The following SPINT1 variants were observed in gnomAD, a reference collection of about 807,000 sequenced individuals.
The protein encoded by SPINT1 is kunitz-type protease inhibitor 1.
In SPINT1, 38 loss-of-function variants were observed where a neutral mutation model predicts 53.7. The ratio of observed to expected loss-of-function variants is 0.71; its 90% CI spans 0.55 to 0.93. The LOEUF (loss-of-function observed/expected upper bound fraction) is 0.93. Ranked by LOEUF, SPINT1 falls within the 40% of genes least tolerant of loss-of-function variation. The pLI is 0.00. For synonymous variants in SPINT1, 283 were observed against 280.6 expected (o/e 1.01, Z -0.08); for missense variants, 645 against 692.9 (o/e 0.93, Z 0.78).
At chr15:40,853,406 G>A in intron 3 of SPINT1, 83 bp from the exon 4 acceptor site, 5 of 1,610,396 alleles carry the variant, frequency 3.1e-6, no homozygotes, top group Non-Finnish European at 1.7e-6. Context: ...CTCCCCAGGG[G>A]TGTGGGTGTG....
intron 2 of SPINT1, among the ~76,000 whole-genome samples, chr15:40,848,766 A>G (rs1051991901): frequency 6.6e-6 from 1 of 152,198 alleles, no homozygotes; most frequent in Non-Finnish European, 1.5e-5. Context: ...GCAAAACAAG[A>G]TGAAGAACTC....
rs3832988 is a variant in SPINT1 at position 40,857,770 on chromosome 15, G to GTC, written c.*802_*803dup. The GTC allele has an allele frequency of 0.08, 12,176 of 152,286 alleles. 1,001 individuals are homozygous for GTC. Among genetic ancestry groups the GTC allele is most frequent in the East Asian group, 0.2 (1,039 of 5,152 alleles). 9.4% of individuals were successfully genotyped at this position (152,286 alleles called of 1,614,324 possible). ...ACCCTGTTGAGCAGGTTTTCCCATCGTCTCTCTCGAAACTGGCCTGGCCCC... is the reference window on the plus strand; with the variant it reads ...ACCCTGTTGAGCAGGTTTTCCCATCGTCTCTCTCTCGAAACTGGCCTGGCCCC... On this transcript the variant is annotated 3_prime_UTR_variant, in exon 11 of 11. Transcript: ENST00000562057.
intron 2 of SPINT1, among the ~76,000 whole-genome samples, chr15:40,849,248 G>GAA (rs200108765): frequency 7.1e-6 from 1 of 140,992 alleles, no homozygotes; most frequent in Non-Finnish European, 1.5e-5. Flanking sequence ...TCCGTCTCAG[G>GAA]AAAAAAAAAA....
intron 2 of SPINT1, among the ~76,000 whole-genome samples, chr15:40,847,314 T>C (rs981090925): frequency 4.6e-5 from 7 of 152,308 alleles, no homozygotes; most frequent in Admixed American, 3.9e-4. Context: ...TGGAGGTGGG[T>C]AATGACAGGG....
chr15:40,851,061 C>T (rs1342478786), intron 2 of SPINT1, among the ~76,000 whole-genome samples: 1 of 152,208 alleles, frequency 6.6e-6, no homozygotes, highest in Non-Finnish European at 1.5e-5. Flanking sequence ...GCCTGGCCTC[C>T]AGGACGCTTT....
chr15:40,848,277 T>G (rs1891353423), intron 2 of SPINT1, among the ~76,000 whole-genome samples: 3 of 152,150 alleles, frequency 2.0e-5, no homozygotes, highest in Admixed American at 6.5e-5. Context: ...TTCTTAGCTC[T>G]TTACCTTCTC....
rs1891636664 is a variant in SPINT1 at position 40,856,215 on chromosome 15, G to C, written c.1289-61G>C. On this transcript the variant is annotated intron_variant, in intron 9 of 10. Coordinates refer to ENST00000562057, the MANE Select transcript of SPINT1 (RefSeq NM_003710.4). ...TGCCAGTGTGAGGTCTGGGGCACTGGGGAGCAGCTGAGTCTCTGAGCCCTC... is the reference window on the plus strand; with the variant it reads ...TGCCAGTGTGAGGTCTGGGGCACTGCGGAGCAGCTGAGTCTCTGAGCCCTC... 1.4e-5 allele frequency: 23 copies of C among 1,608,292 alleles called. No individual in the cohort carries two copies. In the South Asian group the frequency reaches 2.4e-4, roughly 17 times the overall value.
intron 2 of SPINT1, among the ~76,000 whole-genome samples, chr15:40,846,695 G>A (rs890384185): frequency 1.9e-4 from 29 of 152,284 alleles, no homozygotes; most frequent in African/African-American, 4.3e-4. Context: ...GGTGGTCTCC[G>A]TTCTGGAAAG....
Position 40,852,339 on chromosome 15 carries a change from C to T in SPINT1, c.476-785C>T, listed in dbSNP as rs544954620. 7.9e-5 allele frequency among the ~76,000 whole-genome samples: 12 copies of T among 152,322 alleles called. No homozygotes were observed. The East Asian group carries it at 2.1e-3, about 27-fold the overall frequency. On this transcript the variant is annotated intron_variant, in intron 2 of 10. Coordinates refer to ENST00000562057, the MANE Select transcript of SPINT1 (RefSeq NM_003710.4). ...TGATCGCATCTGGAGATCCTAATTACTTCTGCAAAGACCCTTTTCCCAAAT... is the reference window on the plus strand; with the variant it reads ...TGATCGCATCTGGAGATCCTAATTATTTCTGCAAAGACCCTTTTCCCAAAT...
In SPINT1 at chr15:40,853,872, G is replaced by A. The variant is rs771095345; in HGVS notation, c.904G>A (p.Gly302Ser). Residue 302 changes from glycine (G) to serine (S), a missense_variant, in exon 5 of 11, where the codon GGT (glycine) becomes AGT (serine). Gly to Ser is a moderately conservative substitution (Grantham distance 56). Transcript: ENST00000562057. ...REEECILACR[G>S]VQGPSMERRH... Reference sequence around the variant, plus strand: ...AGAAGAGTGCATTCTAGCCTGTCGGGGTGTGCAAGGTGGGCCTTTGAGAGG... The same window carrying A: ...AGAAGAGTGCATTCTAGCCTGTCGGAGTGTGCAAGGTGGGCCTTTGAGAGG... The A allele has an allele frequency of 1.2e-6, 2 of 1,614,066 alleles. No individual in the cohort carries two copies. Among genetic ancestry groups the A allele is most frequent in the Non-Finnish European group, 1.7e-6 (2 of 1,180,034 alleles).
At position 40,853,058 on chromosome 15, in the gene SPINT1, T is replaced by C. The variant is rs978314111; in HGVS notation, c.476-66T>C. ...GGCCCATACTTTCACCACCCCACTT[T>C]GCTCCTGAGAGAAGCCTGGTCCATC... On this transcript the variant is annotated intron_variant, in intron 2 of 10. Transcript: ENST00000562057. 1.9e-6 allele frequency: 3 copies of C among 1,563,074 alleles called. No homozygotes were observed. In the African/African-American group the frequency reaches 4.1e-5, roughly 21 times the overall value.
intron 6 of SPINT1, 98 bp from the exon 7 acceptor site, chr15:40,854,299 T>C (rs1891561274): frequency 1.3e-6 from 2 of 1,491,110 alleles, no homozygotes; most frequent in Non-Finnish European, 8.9e-7. Flanking sequence ...GGAAAGGGAA[T>C]GGGGGATGTG....
Position 40,856,854 on chromosome 15 carries a change from A to G in SPINT1, c.1421A>G (p.Asn474Ser), listed in dbSNP as rs1034080691. The change falls in exon 11 of 11, where the codon AAC (asparagine) becomes AGC (serine). Residue 474 changes from asparagine (N) to serine (S), a missense_variant. Transcript: ENST00000562057. Reference sequence around the variant, plus strand: ...ATCTTGGGTTACTGCTTCTTCAAGAACCAGAGAAAGGACTTCCACGGACAC... The same window carrying G: ...ATCTTGGGTTACTGCTTCTTCAAGAGCCAGAGAAAGGACTTCCACGGACAC... ...VAILGYCFFK[N>S]QRKDFHGHHH... 9 of 1,614,068 alleles carry G rather than the reference A, an allele frequency of 5.6e-6. No homozygotes were observed. The highest frequency in any genetic ancestry group is 6.8e-6 in the Non-Finnish European group (8 of 1,179,998).
At chr15:40,854,919 C>A (rs1053490079) in intron 8 of SPINT1, among the ~76,000 whole-genome samples, 1 of 152,226 alleles carries the variant, frequency 6.6e-6, no homozygotes, top group Non-Finnish European at 1.5e-5. Context: ...CGAACACCTT[C>A]ATAACTTCAG....
At chr15:40,846,336 T>A (rs974558487) in intron 2 of SPINT1, among the ~76,000 whole-genome samples, 1 of 152,146 alleles carries the variant, frequency 6.6e-6, no homozygotes. Context: ...TCACCTCTCA[T>A]AACCTCTGTG....
intron 8 of SPINT1, 171 bp from the exon 9 acceptor site, chr15:40,855,721 G>T: frequency 1.7e-6 from 1 of 602,300 alleles, no homozygotes. Flanking sequence ...TCCAGGGTTT[G>T]TCTTCCCTTT....
chr15:40,846,518 T>C (rs1891302873), intron 2 of SPINT1, among the ~76,000 whole-genome samples: 1 of 152,204 alleles, frequency 6.6e-6, no homozygotes, highest in African/African-American at 2.4e-5. Context: ...ATGGTAGGCC[T>C]GAGATTCACC....
At chr15:40,847,955 C>T (rs766630710) in intron 2 of SPINT1, among the ~76,000 whole-genome samples, 10 of 152,122 alleles carry the variant, frequency 6.6e-5, no homozygotes, top group African/African-American at 9.7e-5. Flanking sequence ...CAGGTGTTCT[C>T]AGGGTACTCT....
At chr15:40,848,773 A>G (rs1344279603) in intron 2 of SPINT1, among the ~76,000 whole-genome samples, 1 of 152,166 alleles carries the variant, frequency 6.6e-6, no homozygotes, top group Non-Finnish European at 1.5e-5. Context: ...AAGATGAAGA[A>G]CTCAAATGCT....
Sources: allele counts gnomAD v4.1 joint callset (sites outside exome capture counted in the v4.1 genomes callset), GRCh38; gene constraint gnomAD v4.1.1; transcripts MANE v1.5; gene names NCBI Gene and HGNC (gene_info 2026-07-23, HGNC 2026-07-21).